DENND2C: variants seen among roughly 807,000 people sequenced by gnomAD.
DENND2C encodes the protein DENN domain-containing protein 2C.
DENND2C carries 72 observed loss-of-function variants against 112.4 expected under a neutral mutation model. That is an observed-to-expected ratio of 0.64 (90% CI 0.53 to 0.78). The LOEUF is 0.78. Among genes scored for constraint, DENND2C ranks in the 30% least tolerant of loss-of-function variants. The pLI is 0.00. For synonymous variants in DENND2C, 329 were observed against 381.6 expected (o/e 0.86, Z 1.61); for missense variants, 992 against 1,113.8 (o/e 0.89, Z 1.56).
rs115812250 is a variant in DENND2C at position 114,597,788 on chromosome 1, C to T, written c.2283+1486G>A. Among the ~76,000 whole-genome samples the T allele has an allele frequency of 3.4e-3, 512 of 151,940 alleles. 3 individuals carry two copies. The highest frequency in any genetic ancestry group is 0.012 in the African/African-American group (481 of 41,432). ...ACAGATTGAGACTCCATCTCAAAAA[C>T]GAAACAAAACAGTAAGAGAGTAAAC... On this transcript the variant is annotated intron_variant, in intron 16 of 20. Transcript: ENST00000393274.
intron 1 of DENND2C, among the ~76,000 whole-genome samples, chr1:114,655,866 TTATATATATATGTATAAA>T (rs1557960789): frequency 1.6e-5 from 1 of 62,440 alleles, no homozygotes; most frequent in Non-Finnish European, 3.1e-5. Flanking sequence ...CAAAGAACTT[TTATATATATATGTATAAA>T]TATATATATA....
rs541636744 is a variant in DENND2C at position 114,587,584 on chromosome 1, C to A, written c.2669-111G>T. ...TATTTCCAGGGCTAAAACAATATTA[C>A]AAAATAATTCTCATAATAAACAACT... is the stretch of plus-strand genomic sequence containing the variant. On this transcript the variant is annotated intron_variant, in intron 19 of 20. Coordinates refer to ENST00000393274, the MANE Select transcript of DENND2C (RefSeq NM_001256404.2). The A allele has an allele frequency of 2.4e-5, 35 of 1,432,538 alleles. No homozygotes were observed. The South Asian group carries it at 4.4e-4, about 18-fold the overall frequency. The allele number at this position is 1,432,538 out of a possible 1,614,324, so 88.7% of individuals were successfully genotyped here. A position where few individuals can be genotyped will look rare whatever the true frequency, so the allele number is the denominator to read the frequency against.
intron 3 of DENND2C, among the ~76,000 whole-genome samples, chr1:114,634,017 A>T (rs1017176029): frequency 6.6e-6 from 1 of 152,216 alleles, no homozygotes; most frequent in Non-Finnish European, 1.5e-5. Context: ...GCAAGAAATA[A>T]CAGCAGTGAT....
intron 2 of DENND2C, among the ~76,000 whole-genome samples, chr1:114,649,503 T>A (rs1436008004): frequency 6.6e-6 from 1 of 152,118 alleles, no homozygotes; most frequent in Non-Finnish European, 1.5e-5. Flanking sequence ...GCCTCCCAAG[T>A]AGCTGGGAAT....
intron 7 of DENND2C, among the ~76,000 whole-genome samples, chr1:114,618,970 C>G (rs1656081888): frequency 6.6e-6 from 1 of 152,210 alleles, no homozygotes; most frequent in Admixed American, 6.5e-5. Flanking sequence ...AGAGTACTAA[C>G]ATTATAATTT....
chr1:114,592,971 A>G (rs1224956166), intron 18 of DENND2C, among the ~76,000 whole-genome samples: 1 of 152,108 alleles, frequency 6.6e-6, no homozygotes, highest in Non-Finnish European at 1.5e-5. Context: ...AACTTTTGCA[A>G]TGTCACACTC....
chr1:114,633,497 G>A (rs1656556355), intron 3 of DENND2C, among the ~76,000 whole-genome samples: 2 of 148,058 alleles, frequency 1.4e-5, no homozygotes, highest in Non-Finnish European at 3.0e-5. Flanking sequence ...ATGAAGGAAG[G>A]AAGGAAGGAA....
intron 8 of DENND2C, among the ~76,000 whole-genome samples, chr1:114,617,312 T>A: frequency 6.6e-6 from 1 of 152,266 alleles, no homozygotes; most frequent in Middle Eastern, 3.4e-3. Flanking sequence ...TAAAACTTAT[T>A]ATTTTTTTTC....
intron 3 of DENND2C, among the ~76,000 whole-genome samples, 182 bp downstream of exon 3, chr1:114,645,266 G>A (rs1270639978): frequency 6.6e-6 from 1 of 152,130 alleles, no homozygotes; most frequent in African/African-American, 2.4e-5. Context: ...TTGGAGATCA[G>A]GTCTCTTGAG....
chr1:114,595,480 C>T (rs2101644080), intron 17 of DENND2C: 1 of 156,392 alleles, frequency 6.4e-6, no homozygotes, highest in Non-Finnish European at 1.3e-5. Flanking sequence ...GAGACTCCAT[C>T]TCAAAAAAAA....
At chr1:114,632,969 G>C (rs569188963) in intron 3 of DENND2C, among the ~76,000 whole-genome samples, 37 of 152,116 alleles carry the variant, frequency 2.4e-4, no homozygotes, top group Non-Finnish European at 5.1e-4. Context: ...AATGGTACTT[G>C]TGGATAAATA....
intron 3 of DENND2C, among the ~76,000 whole-genome samples, chr1:114,642,015 C>G (rs1656850999): frequency 6.6e-6 from 1 of 152,070 alleles, no homozygotes; most frequent in African/African-American, 2.4e-5. Flanking sequence ...TGAAGTGGCA[C>G]AATCTCAGCA....
chr1:114,618,607 C>T, intron 7 of DENND2C, 125 bp from the exon 8 acceptor site: 1 of 497,748 alleles, frequency 2.0e-6, no homozygotes. Context: ...AAACCTTTAC[C>T]TTTTTGAATT....
intron 2 of DENND2C, among the ~76,000 whole-genome samples, chr1:114,653,544 C>T (rs1202249276): frequency 6.6e-6 from 1 of 152,050 alleles, no homozygotes; most frequent in African/African-American, 2.4e-5. Context: ...GGTGGTTATG[C>T]AAGAAATTGT....
rs769328707 is a variant in DENND2C, at chr1:114,600,845, C to T, written c.1931G>A (p.Ser644Asn). ...PAPGRTITVK[S>N]YLPGAGDESI... ...CTCATCTCCAGCCCCAGGGAGGTAA[C>T]TCTTAACTGTGATGGTGCGTCCAGG... The change falls in exon 14 of 21, where the codon AGT becomes AAT. Residue 644 changes from serine to asparagine, a missense_variant. By Grantham distance (46) the Ser-to-Asn change is conservative. This residue lies in a region of DENND2C where 516 missense variants were observed against 623.6 expected (regional missense o/e 0.83). Coordinates refer to ENST00000393274, the MANE Select transcript of DENND2C (RefSeq NM_001256404.2). 84 of 1,613,750 alleles carry T rather than the reference C, an allele frequency of 5.2e-5. No individual in the cohort carries two copies. Among genetic ancestry groups the T allele is most frequent in the Non-Finnish European group, 6.9e-5 (82 of 1,179,880 alleles).
chr1:114,638,509 A>C (rs1236927347), intron 3 of DENND2C, among the ~76,000 whole-genome samples: 1 of 152,202 alleles, frequency 6.6e-6, no homozygotes, highest in Non-Finnish European at 1.5e-5. Flanking sequence ...CTGTAATCCC[A>C]GCACTTTGGG....
chr1:114,623,199 C>T, intron 5 of DENND2C, 100 bp from the exon 6 acceptor site: 1 of 1,122,396 alleles, frequency 8.9e-7, no homozygotes. Flanking sequence ...GTTCAGCTTT[C>T]TTATTCTACA....
Position 114,655,883 on chromosome 1 carries a change from A to ATATATATATATATACAT in DENND2C, c.-573-1123_-573-1122insATGTATATATATATATA, listed in dbSNP as rs1557960847. Among the ~76,000 whole-genome samples, 4 of 125,882 alleles carry ATATATATATATATACAT rather than the reference A, an allele frequency of 3.2e-5. No individual in the cohort carries two copies. The East Asian group carries it at 6.6e-4, about 21-fold the overall frequency. The allele number at this position is 125,882 out of a possible 152,430, so 82.6% of individuals were successfully genotyped here. On this transcript the variant is annotated intron_variant, in intron 1 of 20. Coordinates refer to ENST00000393274, the MANE Select transcript of DENND2C (RefSeq NM_001256404.2). ...AAGAACTTTTATATATATATGTATA[A>ATATATATATATATACAT]ATATATATATATATATAATATGTAT...
Position 114,606,655 on chromosome 1 carries a change from C to A in DENND2C, c.1558-1624G>T, listed in dbSNP as rs1012045940. Among the ~76,000 whole-genome samples, 6 of 152,260 alleles carry A rather than the reference C, an allele frequency of 3.9e-5. 1 individual carries two copies. The highest frequency in any genetic ancestry group is 3.9e-4 in the Admixed American group (6 of 15,272). ...GCAGAACAAATTAAATATAAAACAT[C>A]TTTTTTCTTCTGTGGCCTCTGTAAT... On this transcript the variant is annotated intron_variant, in intron 10 of 20. Transcript: ENST00000393274.
Sources: allele counts gnomAD v4.1 joint callset (sites outside exome capture counted in the v4.1 genomes callset), GRCh38; gene constraint gnomAD v4.1.1; regional missense constraint gnomAD v4.1.1; transcripts MANE v1.5; gene names NCBI Gene and HGNC (gene_info 2026-07-23, HGNC 2026-07-21).